Variants in USH2A observed in about 807,000 individuals in gnomAD.
The protein encoded by USH2A is usherin.
USH2A carries 443 observed loss-of-function variants against 538.9 expected under a neutral mutation model. The ratio of observed to expected loss-of-function variants is 0.82; its 90% CI spans 0.76 to 0.89. USH2A has a LOEUF of 0.89. Among genes scored for constraint, USH2A ranks in the 40% least tolerant of loss-of-function variants. The probability of loss-of-function intolerance (pLI) is 0.00; values close to 1 mark genes in which losing one functional copy is unlikely to be tolerated. For missense variants in USH2A, 6,633 were observed against 6,324.8 expected, an observed-to-expected ratio of 1.05 and a Z score of -1.65; for synonymous variants, 2,413 against 2,273.5, an observed-to-expected ratio of 1.06 and a Z score of -1.75.
intron 11 of USH2A, among the ~76,000 whole-genome samples, chr1:216,271,057 A>G (rs2036563772): frequency 1.3e-5 from 2 of 151,980 alleles, no homozygotes; most frequent in Non-Finnish European, 2.9e-5. Context: ...GTGATACAAT[A>G]CTCTTCCCCA....
At chr1:216,378,829 C>A (rs904001946) in intron 3 of USH2A, among the ~76,000 whole-genome samples, 6 of 152,162 alleles carry the variant, frequency 3.9e-5, no homozygotes, top group Non-Finnish European at 8.8e-5. Flanking sequence ...TTTCTTTTGG[C>A]AACTTTACCA....
chr1:215,628,704 TG>T, intron 71 of USH2A, 109 bp downstream of exon 71: 1 of 1,119,228 alleles, frequency 8.9e-7, no homozygotes, highest in Non-Finnish European at 1.4e-6. Context: ...ACTGGCTAAG[TG>T]CTCAGAGGCG....
intron 44 of USH2A, among the ~76,000 whole-genome samples, chr1:215,860,301 A>T (rs370252474): frequency 1.4e-4 from 21 of 152,310 alleles, no homozygotes; most frequent in African/African-American, 4.1e-4. Flanking sequence ...TAGATTTTTA[A>T]CATCTACATT....
At chr1:215,970,419 T>A (rs1667463369) in intron 36 of USH2A, among the ~76,000 whole-genome samples, 1 of 152,180 alleles carries the variant, frequency 6.6e-6, no homozygotes, top group African/African-American at 2.4e-5. Flanking sequence ...ACTCTGCCCT[T>A]CACTGGACCT....
rs1238870451 is a variant in USH2A at position 215,743,266 on chromosome 1, G to A, written c.11459C>T (p.Ala3820Val). ...LLNDGSVTPL[A>V]FSVGHHQSTL... The stretch of plus-strand genomic sequence containing the variant: ...GGATTGATGATGACCAACGGAGAAG[G>A]CCAGAGGTGTTACACTTCCATCATT... Residue 3820 changes from alanine to valine, a missense_variant, in exon 59 of 72, where the codon GCC becomes GTC. By Grantham distance (64) the Ala-to-Val change is moderately conservative. Transcript: ENST00000307340. 6.2e-7 allele frequency: 1 copy of A among 1,611,680 alleles called. No homozygotes were observed. Among genetic ancestry groups the A allele is most frequent in the South Asian group, 1.1e-5 (1 of 91,012 alleles).
chr1:215,714,682 C>T lies in USH2A; in HGVS notation c.12066+13348G>A, dbSNP rs574409313. Among the ~76,000 whole-genome samples the T allele has an allele frequency of 5.3e-5, 8 of 152,210 alleles. No homozygotes were observed. The East Asian group carries it at 7.7e-4, about 15-fold the overall frequency. ...CTCTGGGAATTAAAAGTAGTTTTCC[C>T]TTCAAATTTTTCTACAAACGTTTAT... On this transcript the variant is annotated intron_variant, in intron 61 of 71. Transcript: ENST00000307340.
intron 61 of USH2A, among the ~76,000 whole-genome samples, chr1:215,726,427 T>C (rs1659819210): frequency 6.6e-6 from 1 of 152,324 alleles, no homozygotes; most frequent in South Asian, 2.1e-4. Context: ...TGCTTATTTT[T>C]TAGTCATATG....
In USH2A at chr1:215,674,338, C is replaced by T; in HGVS notation, c.13573G>A (p.Asp4525Asn). 1.2e-6 allele frequency: 2 copies of T among 1,613,924 alleles called. No individual in the cohort carries two copies. Reference protein sequence around the residue: ...QGGILSPLVKDRTSPSAPSGM... With the variant: ...QGGILSPLVKNRTSPSAPSGM... ...GAGGGTGCTGAGGGGCTGGTTCGATCTTTGACAAGAGGACTCAAAATACCC... is the reference window on the plus strand; with the variant it reads ...GAGGGTGCTGAGGGGCTGGTTCGATTTTTGACAAGAGGACTCAAAATACCC... Residue 4525 changes from aspartate (D) to asparagine (N), a missense_variant, in exon 63 of 72, where the codon GAT becomes AAT. By Grantham distance (23) the Asp-to-Asn change is conservative. Transcript: ENST00000307340.
At chr1:216,264,522 T>C (rs2036435741) in intron 11 of USH2A, among the ~76,000 whole-genome samples, 1 of 152,154 alleles carries the variant, frequency 6.6e-6, no homozygotes, top group African/African-American at 2.4e-5. Context: ...GGTCTCGAAC[T>C]CCTGACTTCA....
At chr1:215,865,998 C>A (rs1324092875) in intron 44 of USH2A, among the ~76,000 whole-genome samples, 1 of 152,140 alleles carries the variant, frequency 6.6e-6, no homozygotes, top group Non-Finnish European at 1.5e-5. Flanking sequence ...TTACATTGCC[C>A]AACCAGTAGT....
intron 21 of USH2A, among the ~76,000 whole-genome samples, chr1:216,161,448 A>T (rs1466804896): frequency 6.6e-6 from 1 of 152,090 alleles, no homozygotes; most frequent in East Asian, 1.9e-4. Context: ...ACTTTTTAGG[A>T]ATTTTACCAC....
chr1:215,629,589 C>A (rs1176511098), intron 70 of USH2A, among the ~76,000 whole-genome samples: 2 of 151,938 alleles, frequency 1.3e-5, no homozygotes, highest in Non-Finnish European at 2.9e-5. Context: ...CATATTCCTC[C>A]ATTTCTTATA....
intron 49 of USH2A, among the ~76,000 whole-genome samples, chr1:215,807,125 G>C (rs551580821): frequency 6.6e-6 from 1 of 152,148 alleles, no homozygotes; most frequent in African/African-American, 2.4e-5. Context: ...GGCTCAACTG[G>C]TCATTGCTGG....
Position 215,671,119 on chromosome 1 carries a change from C to T in USH2A, c.13986G>A (p.Gln4662=), listed in dbSNP as rs1657800557. ...CGTAATACAAAACTTTTCCATTTGGCTGCAGCGGTCCTGTCCACAAAAGAG... is the reference window on the plus strand; with the variant it reads ...CGTAATACAAAACTTTTCCATTTGGTTGCAGCGGTCCTGTCCACAAAAGAG... ...TVSLLWTGPL[Q]PNGKVLYYEL... Residue 4662 remains glutamine, a synonymous_variant, in exon 64 of 72, where the codon CAG becomes CAA. Coordinates refer to ENST00000307340, the MANE Select transcript of USH2A (RefSeq NM_206933.4). 1.2e-6 allele frequency: 2 copies of T among 1,614,094 alleles called. No individual in the cohort carries two copies. The highest frequency in any genetic ancestry group is 8.5e-7 in the Non-Finnish European group (1 of 1,180,004).
intron 30 of USH2A, among the ~76,000 whole-genome samples, chr1:216,050,697 C>T (rs1447149030): frequency 4.7e-5 from 7 of 149,452 alleles, no homozygotes; most frequent in Admixed American, 2.0e-4. Context: ...CTCTGCCTCC[C>T]GGGTTGGAGC....
intron 38 of USH2A, among the ~76,000 whole-genome samples, chr1:215,903,390 G>A (rs1247232749): frequency 6.6e-6 from 1 of 152,010 alleles, no homozygotes; most frequent in Non-Finnish European, 1.5e-5. Flanking sequence ...TTAGAAAATG[G>A]GGCAGCAGCT....
At chr1:215,804,460 A>G (rs894801257) in intron 49 of USH2A, among the ~76,000 whole-genome samples, 1 of 151,872 alleles carries the variant, frequency 6.6e-6, no homozygotes, top group Non-Finnish European at 1.5e-5. Context: ...AACCCCATCA[A>G]AAAGTGGGTG....
At chr1:216,282,632 T>C (rs1180658156) in intron 11 of USH2A, among the ~76,000 whole-genome samples, 2 of 152,230 alleles carry the variant, frequency 1.3e-5, no homozygotes, top group Admixed American at 6.5e-5. Context: ...TTGATTATAG[T>C]AAATTTTGAA....
chr1:216,212,134 G>T (rs1341234701), intron 15 of USH2A, among the ~76,000 whole-genome samples: 2 of 151,874 alleles, frequency 1.3e-5, no homozygotes, highest in African/African-American at 4.8e-5. Flanking sequence ...CATGTCAAAG[G>T]GTGTAGAAAA....
Sources: allele counts gnomAD v4.1 joint callset (sites outside exome capture counted in the v4.1 genomes callset), GRCh38; gene constraint gnomAD v4.1.1; transcripts MANE v1.5; gene names NCBI Gene and HGNC (gene_info 2026-07-23, HGNC 2026-07-21).